CIMIP2A: variants seen among roughly 807,000 people sequenced by gnomAD.
CIMIP2A encodes ciliary microtubule inner protein 2A, also known as family with sequence similarity 166 member A.
the CIMIP2A span, chr9:137,247,885 A>C: frequency 1.5e-6 from 1 of 652,874 alleles, no homozygotes. Context: ...CAGGTGAGAC[A>C]CTGAGGCCCA....
chr9:137,252,669 C>A, the CIMIP2A span: 5 of 1,545,240 alleles, frequency 3.2e-6, no homozygotes, highest in Non-Finnish European at 3.5e-6. Flanking sequence ...CAGTGGCCCT[C>A]GCCAGCCCAC....
chr9:137,252,413 T>C, the CIMIP2A span: 1 of 1,603,694 alleles, frequency 6.2e-7, no homozygotes, highest in Non-Finnish European at 8.5e-7. Flanking sequence ...CCCAGCCTTC[T>C]CTCTCTCCAT....
At chr9:137,245,594 G>A in the CIMIP2A span, 1 of 1,613,570 alleles carries the variant, frequency 6.2e-7, no homozygotes, top group Non-Finnish European at 8.5e-7. Context: ...GCCGGGACAG[G>A]CAGGCGGGCA....
the CIMIP2A span, among the ~76,000 whole-genome samples, chr9:137,249,732 G>A: frequency 2.6e-5 from 4 of 152,256 alleles, no homozygotes; most frequent in Admixed American, 2.0e-4. Context: ...GGTTCCCAGA[G>A]GGCGGCAACT....
chr9:137,245,866 G>A, the CIMIP2A span: 7 of 1,497,360 alleles, frequency 4.7e-6, no homozygotes, highest in Admixed American at 9.1e-5. Context: ...GTGGAGGGAA[G>A]AGAAGAAGGC....
chr9:137,244,866 C>G, the CIMIP2A span: 1 of 1,566,144 alleles, frequency 6.4e-7, no homozygotes, highest in Non-Finnish European at 8.6e-7. Context: ...TGGCGACTGT[C>G]TGATGTGGCC....
the CIMIP2A span, chr9:137,251,906 G>A: frequency 6.2e-7 from 1 of 1,604,210 alleles, no homozygotes; most frequent in Non-Finnish European, 8.5e-7. Context: ...GTGAGTGAGG[G>A]TCCTGGCCAC....
At chr9:137,248,285 C>T in the CIMIP2A span, among the ~76,000 whole-genome samples, 1 of 152,176 alleles carries the variant, frequency 6.6e-6, no homozygotes, top group African/African-American at 2.4e-5. Flanking sequence ...CGGTGGCTCA[C>T]ACCTGTAATC....
the CIMIP2A span, chr9:137,251,090 A>C: frequency 1.7e-6 from 1 of 589,000 alleles, no homozygotes; most frequent in Non-Finnish European, 3.0e-6. Flanking sequence ...TCACCGGGGC[A>C]GGCTGGGGGT....
At chr9:137,244,552 G>C in the CIMIP2A span, 1 of 1,560,060 alleles carries the variant, frequency 6.4e-7, no homozygotes, top group African/African-American at 1.3e-5. Context: ...CAGGGAACCT[G>C]GCCTTCAAGG....
chr9:137,243,735 A>G, the CIMIP2A span: 1 of 1,614,100 alleles, frequency 6.2e-7, no homozygotes, highest in East Asian at 2.2e-5. Flanking sequence ...CATTCCTTCC[A>G]GTAGGCCCTC....
the CIMIP2A span, chr9:137,247,685 T>A: frequency 5.6e-6 from 9 of 1,613,444 alleles, no homozygotes; most frequent in Non-Finnish European, 7.6e-6. Context: ...GGCTCCGGCG[T>A]GAAGAGATCG....
chr9:137,253,017 G>C, the CIMIP2A span: 2 of 1,544,086 alleles, frequency 1.3e-6, no homozygotes, highest in Non-Finnish European at 1.8e-6. Flanking sequence ...GGTGGGCAAT[G>C]TGAGGACAAG....
At chr9:137,247,716 T>G in the CIMIP2A span, 1 of 1,613,350 alleles carries the variant, frequency 6.2e-7, no homozygotes, top group Non-Finnish European at 8.5e-7. Context: ...TAGTTGTCAT[T>G]TTGCTTTCAC....
At chr9:137,253,251 G>T in the CIMIP2A span, 1 of 1,603,214 alleles carries the variant, frequency 6.2e-7, no homozygotes, top group Non-Finnish European at 8.5e-7. Context: ...TCTAGAGCCA[G>T]CTGGGCACAA....
At chr9:137,244,116 G>A in the CIMIP2A span, 108 of 1,531,280 alleles carry the variant, frequency 7.1e-5, no homozygotes, top group East Asian at 1.9e-3. Flanking sequence ...AGGTAGAGCC[G>A]TCCCTCCCCA....
At chr9:137,247,863 G>A in the CIMIP2A span, 1 of 726,132 alleles carries the variant, frequency 1.4e-6, no homozygotes, top group South Asian at 1.7e-5. Context: ...CCCTGTGAGG[G>A]CCCACATTGC....
At chr9:137,252,070 GC>G in the CIMIP2A span, 1 of 1,613,060 alleles carries the variant, frequency 6.2e-7, no homozygotes, top group East Asian at 2.2e-5. Context: ...CAGGTGCCGA[GC>G]CCGTCCGTAC....
chr9:137,253,134 C>G, the CIMIP2A span: 2 of 1,579,490 alleles, frequency 1.3e-6, no homozygotes, highest in South Asian at 2.3e-5. Context: ...CTGGCCCAGC[C>G]GCCTACCACG....
Sources: gnomAD v4.1 joint callset for allele counts (sites outside exome capture counted in the v4.1 genomes callset) on GRCh38, gnomAD v4.1.1 for gene constraint, MANE v1.5 for transcripts, NCBI Gene and HGNC (gene_info 2026-07-23, HGNC 2026-07-21) for gene names.